Variants in DTL observed in about 807,000 individuals in gnomAD.
DTL encodes the protein denticleless protein homolog.
DTL carries 46 observed loss-of-function variants against 87.0 expected under a neutral mutation model. That is an observed-to-expected ratio of 0.53 (90% CI 0.42 to 0.68). DTL has a LOEUF of 0.68. Among genes scored for constraint, DTL ranks in the 30% least tolerant of loss-of-function variants. DTL has a pLI of 0.00. For missense variants in DTL, 737 were observed against 869.4 expected (o/e 0.85, Z 1.91); for synonymous variants, 308 against 311.2 (o/e 0.99, Z 0.11).
chr1:212,097,818 T>C (rs887480381), intron 13 of DTL, among the ~76,000 whole-genome samples: 1 of 152,176 alleles, frequency 6.6e-6, no homozygotes, highest in African/African-American at 2.4e-5. Flanking sequence ...ATTACCTGAA[T>C]TGTTTTTCTG....
chr1:212,075,373 G>A (rs1319808046), intron 11 of DTL, among the ~76,000 whole-genome samples: 1 of 152,124 alleles, frequency 6.6e-6, no homozygotes, highest in Non-Finnish European at 1.5e-5. Flanking sequence ...AGTCTTCTGT[G>A]TCTGAGCATC....
chr1:212,069,832 C>T (rs1654619135), intron 10 of DTL, among the ~76,000 whole-genome samples: 1 of 152,152 alleles, frequency 6.6e-6, no homozygotes, highest in African/African-American at 2.4e-5. Context: ...GCGTGAGCCA[C>T]CATGCCCGGC....
At chr1:212,077,840 AC>A (rs1192853028) in intron 11 of DTL, among the ~76,000 whole-genome samples, 1 of 152,172 alleles carries the variant, frequency 6.6e-6, no homozygotes, top group African/African-American at 2.4e-5. Flanking sequence ...AAAGTTTACC[AC>A]CTAAGGAATA....
In DTL at chr1:212,044,648, T is replaced by A; in HGVS notation, c.179-12T>A. On this transcript the variant is annotated splice_polypyrimidine_tract_variant and intron_variant, in intron 2 of 14. Transcript: ENST00000366991. ...GTTACTCTATATATTTTTTTCTTTA[T>A]TTCTGCTTTAGCTCCCAATATGGAA... is the stretch of plus-strand genomic sequence containing the variant. The A allele has an allele frequency of 6.4e-7, 1 of 1,563,570 alleles. No homozygotes were observed. The highest frequency in any genetic ancestry group is 8.7e-7 in the Non-Finnish European group (1 of 1,147,076).
chr1:212,101,333 C>T (rs1481673833), intron 14 of DTL, among the ~76,000 whole-genome samples: 2 of 152,138 alleles, frequency 1.3e-5, no homozygotes, highest in Non-Finnish European at 2.9e-5. Flanking sequence ...TGTATTTTAT[C>T]TGGCAACTCT....
intron 8 of DTL, among the ~76,000 whole-genome samples, chr1:212,067,105 C>A (rs1654531427): frequency 6.6e-6 from 1 of 152,244 alleles, no homozygotes; most frequent in South Asian, 2.1e-4. Flanking sequence ...ACGCTTAGCA[C>A]ATTGTCTAGC....
At chr1:212,096,295 TTTTG>T (rs1441912445) in intron 13 of DTL, among the ~76,000 whole-genome samples, 6 of 152,168 alleles carry the variant, frequency 3.9e-5, no homozygotes, top group Admixed American at 1.3e-4. Flanking sequence ...GGGCTATCAA[TTTTG>T]TTTATCTTTT....
rs143829769 is a variant in DTL, at chr1:212,064,131, A to G, written c.527-786A>G. Reference sequence around the variant, plus strand: ...GATCTGGAACTCCTGACCTCAGGCAATCTGCCTGCCTCAGCCTCCCATTCT... The same window carrying G: ...GATCTGGAACTCCTGACCTCAGGCAGTCTGCCTGCCTCAGCCTCCCATTCT... On this transcript the variant is annotated intron_variant, in intron 6 of 14. Coordinates refer to ENST00000366991, the MANE Select transcript of DTL (RefSeq NM_016448.4). 4.6e-3 allele frequency among the ~76,000 whole-genome samples: 703 copies of G among 152,230 alleles called. 11 individuals are homozygous for G. Among genetic ancestry groups the G allele is most frequent in the African/African-American group, 0.016 (652 of 41,530 alleles).
At chr1:212,075,015 A>G (rs915340290) in intron 11 of DTL, among the ~76,000 whole-genome samples, 1 of 152,178 alleles carries the variant, frequency 6.6e-6, no homozygotes, top group Non-Finnish European at 1.5e-5. Context: ...TGTTTCTGAT[A>G]TAGCCACTGA....
At chr1:212,041,418 T>A (rs796247933) in intron 1 of DTL, among the ~76,000 whole-genome samples, 2 of 151,480 alleles carry the variant, frequency 1.3e-5, no homozygotes, top group Admixed American at 6.6e-5. Flanking sequence ...CGTGTATATT[T>A]ACATAACCTT....
rs573985437 is a variant in DTL at position 212,062,798 on chromosome 1, T to C, written c.461-86T>C. 60 of 1,031,502 alleles carry C rather than the reference T, an allele frequency of 5.8e-5. No homozygotes were observed. In the East Asian group the frequency reaches 1.4e-3, roughly 23 times the overall value. The allele number at this position is 1,031,502 out of a possible 1,614,324, so 63.9% of individuals were successfully genotyped here. ...GACAGATACAGTACCTAGCACATAATAGATAGTCTACAAAATGTAAACTGA... is the reference window on the plus strand; with the variant it reads ...GACAGATACAGTACCTAGCACATAACAGATAGTCTACAAAATGTAAACTGA... On this transcript the variant is annotated intron_variant, in intron 5 of 14. Transcript: ENST00000366991.
chr1:212,057,928 C>G (rs762820262), intron 5 of DTL, among the ~76,000 whole-genome samples: 5 of 152,070 alleles, frequency 3.3e-5, no homozygotes, highest in African/African-American at 4.8e-5. Flanking sequence ...GCAAGAATAG[C>G]TATACTTACA....
intron 11 of DTL, among the ~76,000 whole-genome samples, chr1:212,075,313 C>T (rs1171225884): frequency 1.3e-5 from 2 of 152,228 alleles, no homozygotes; most frequent in Non-Finnish European, 2.9e-5. Context: ...TTCCTTGTGC[C>T]TTGAATTAAA....
chr1:212,078,029 T>G (rs1022821159), intron 11 of DTL, 144 bp from the exon 12 acceptor site: 22 of 515,806 alleles, frequency 4.3e-5, no homozygotes, highest in African/African-American at 3.9e-4. Context: ...TCTGTTGTTT[T>G]TTTTTTCCTA....
Position 212,100,702 on chromosome 1 carries a change from G to T in DTL, c.1712G>T (p.Cys571Phe). 6 of 1,614,164 alleles carry T rather than the reference G, an allele frequency of 3.7e-6. No individual in the cohort carries two copies. Among genetic ancestry groups the T allele is most frequent in the Non-Finnish European group, 5.1e-6 (6 of 1,180,028 alleles). ...ESVKQKCVKS[C>F]NCVTELDGQV... The stretch of plus-strand genomic sequence containing the variant: ...GTGAAACAAAAGTGTGTGAAGAGTT[G>T]TAACTGTGTGACTGAGCTTGATGGC... Residue 571 changes from cysteine (C) to phenylalanine (F), a missense_variant, in exon 14 of 15, where the codon TGT becomes TTT. Transcript: ENST00000366991.
At chr1:212,051,388 A>G in intron 5 of DTL, 1 of 531,112 alleles carries the variant, frequency 1.9e-6, no homozygotes. Context: ...TTTACCTGAA[A>G]ATGTCCTTAT....
At chr1:212,080,772 C>A (rs755387186) in intron 13 of DTL, 22 bp downstream of exon 13, 1 of 1,610,856 alleles carries the variant, frequency 6.2e-7, no homozygotes, top group Admixed American at 1.7e-5. Context: ...ATATACTTTC[C>A]AAGTTTTTTA....
At chr1:212,063,985 T>C in intron 6 of DTL, among the ~76,000 whole-genome samples, 1 of 150,634 alleles carries the variant, frequency 6.6e-6, no homozygotes. Flanking sequence ...CTCCGCCTCC[T>C]GGGTTCAAGT....
chr1:212,060,633 G>C (rs564644411), intron 5 of DTL, among the ~76,000 whole-genome samples: 1 of 151,886 alleles, frequency 6.6e-6, no homozygotes, highest in East Asian at 1.9e-4. Flanking sequence ...TGCTTGGAAG[G>C]CTGAGGCATG....
Sources: allele counts gnomAD v4.1 joint callset (sites outside exome capture counted in the v4.1 genomes callset), GRCh38; gene constraint gnomAD v4.1.1; transcripts MANE v1.5; gene names NCBI Gene and HGNC (gene_info 2026-07-23, HGNC 2026-07-21).